CTTNBP2: variants seen among roughly 807,000 people sequenced by gnomAD.
CTTNBP2 encodes cortactin-binding protein 2.
Under a neutral mutation model 156.9 loss-of-function variants are expected in CTTNBP2, and 108 were observed. The ratio of observed to expected loss-of-function variants is 0.69; its 90% confidence interval spans 0.59 to 0.81. The LOEUF (loss-of-function observed/expected upper bound fraction) is 0.81, where lower values mean the gene tolerates loss of function less well. CTTNBP2 is among the 30% of genes least tolerant of loss of function. The pLI is 0.00. For missense variants in CTTNBP2, 1,924 were observed against 2,035.4 expected (o/e 0.95, Z 1.05); for synonymous variants, 767 against 751.8 (o/e 1.02, Z -0.33).
At chr7:117,748,769 T>A (rs2116578973) in intron 12 of CTTNBP2, among the ~76,000 whole-genome samples, 1 of 152,312 alleles carries the variant, frequency 6.6e-6, no homozygotes, top group Admixed American at 6.5e-5. Context: ...CTTTTTCTGT[T>A]TTTCCTAGTT....
rs1181963966 is a variant in CTTNBP2 at position 117,728,138 on chromosome 7, AT to A, written c.4005del (p.Lys1335AsnfsTer8). 1.2e-6 allele frequency: 2 copies of A among 1,614,206 alleles called. No homozygotes were observed. The highest frequency in any genetic ancestry group is 1.7e-6 in the Non-Finnish European group (2 of 1,180,024). ...LGTPEALLGPKYFLSCPVVPG... is the reference protein window; with the variant it reads ...LGTPEALLGPXYFLSCPVVPG... ...GGAACTACAGGACAAGACAGGAAAT[AT>A]TTTGGTCCAAGAAGTGCTTCAGGTG... On this transcript the variant is annotated frameshift_variant, in exon 17 of 23. Coordinates refer to ENST00000160373, the MANE Select transcript of CTTNBP2 (RefSeq NM_033427.3). LOFTEE classifies it high-confidence loss of function.
intron 2 of CTTNBP2, among the ~76,000 whole-genome samples, chr7:117,857,522 A>T (rs961870673): frequency 2.0e-5 from 3 of 152,242 alleles, no homozygotes; most frequent in Non-Finnish European, 4.4e-5. Context: ...AAAGTAAAAT[A>T]GCTTCATCTG....
intron 8 of CTTNBP2, among the ~76,000 whole-genome samples, chr7:117,775,114 C>A (rs187971842): frequency 3.2e-4 from 48 of 152,268 alleles, no homozygotes; most frequent in Middle Eastern, 3.4e-3. Context: ...ATCTACTAAA[C>A]CCTCTGGGAT....
intron 9 of CTTNBP2, among the ~76,000 whole-genome samples, chr7:117,761,727 G>C (rs946100314): frequency 2.0e-5 from 3 of 152,100 alleles, no homozygotes; most frequent in African/African-American, 7.2e-5. Context: ...TCAAACATTA[G>C]AAATCATAGA....
intron 10 of CTTNBP2, 168 bp downstream of exon 10, chr7:117,760,267 C>T: frequency 3.2e-6 from 2 of 619,018 alleles, no homozygotes; most frequent in South Asian, 2.2e-5. Flanking sequence ...TAACAGGCAA[C>T]ATTACATAAT....
At chr7:117,739,215 C>A (rs1487474949) in intron 14 of CTTNBP2, among the ~76,000 whole-genome samples, 1 of 152,098 alleles carries the variant, frequency 6.6e-6, no homozygotes, top group Non-Finnish European at 1.5e-5. Flanking sequence ...GGTTATTCTG[C>A]GTAGTTTCAG....
intron 12 of CTTNBP2, among the ~76,000 whole-genome samples, chr7:117,751,125 C>A (rs1219543929): frequency 6.6e-6 from 1 of 152,182 alleles, no homozygotes; most frequent in South Asian, 2.1e-4. Flanking sequence ...AAACAAGTGA[C>A]CTCAACAATA....
chr7:117,726,521 G>A lies in CTTNBP2; in HGVS notation c.4056-1264C>T, dbSNP rs567501667. Among the ~76,000 whole-genome samples, 77 of 152,280 alleles carry A rather than the reference G, an allele frequency of 5.1e-4. No homozygotes were observed. In the Middle Eastern group the frequency reaches 0.014, roughly 27 times the overall value. On this transcript the variant is annotated intron_variant, in intron 17 of 22. Coordinates refer to ENST00000160373, the MANE Select transcript of CTTNBP2 (RefSeq NM_033427.3). ...AAATCAACTCCTTAACTTAGCCATT[G>A]GTAGACAATTCTCTGCAGCATTTCT... is the stretch of plus-strand genomic sequence containing the variant.
At chr7:117,722,248 C>G (rs1794833860) in intron 19 of CTTNBP2, among the ~76,000 whole-genome samples, 1 of 139,582 alleles carries the variant, frequency 7.2e-6, no homozygotes, top group Non-Finnish European at 1.5e-5. Context: ...CAAAAGGATT[C>G]CTGTGTTGGT....
intron 3 of CTTNBP2, among the ~76,000 whole-genome samples, chr7:117,795,324 G>T (rs1300332505): frequency 6.6e-6 from 1 of 152,100 alleles, no homozygotes; most frequent in Admixed American, 6.6e-5. Context: ...CATATGCAAA[G>T]TTAGAACTAT....
chr7:117,748,335 G>GT, intron 12 of CTTNBP2, among the ~76,000 whole-genome samples: 1 of 152,234 alleles, frequency 6.6e-6, no homozygotes, highest in Non-Finnish European at 1.5e-5. Context: ...ATGGAACATG[G>GT]TAAGTCCTTT....
At chr7:117,820,577 GTTCAATTTTTCCACATATAGA>G (rs1267552831) in intron 2 of CTTNBP2, among the ~76,000 whole-genome samples, 10 of 152,274 alleles carry the variant, frequency 6.6e-5, no homozygotes, top group African/African-American at 2.4e-4. Flanking sequence ...AAGGGTTGAT[GTTCAATTTTTCCACATATAGA>G]TTCAATTTTT....
At chr7:117,815,956 C>A (rs1800551815) in intron 2 of CTTNBP2, among the ~76,000 whole-genome samples, 1 of 152,156 alleles carries the variant, frequency 6.6e-6, no homozygotes, top group Admixed American at 6.5e-5. Context: ...GGGCAAAAAA[C>A]AGGTGCATAA....
At chr7:117,856,504 T>C (rs1323384972) in intron 2 of CTTNBP2, among the ~76,000 whole-genome samples, 2 of 152,260 alleles carry the variant, frequency 1.3e-5, no homozygotes, top group African/African-American at 4.8e-5. Context: ...ACAAGGCAAT[T>C]CTATAACTGA....
chr7:117,791,130 G>GAT lies in CTTNBP2; in HGVS notation c.2064_2065dup (p.Ser689TyrfsTer8), dbSNP rs1307446446. ...GTATAACATTTCAATCCCTTTACCT[G>GAT]ATGCTGTTACCAGGAGGCTGTCTGA... On this transcript the variant is annotated frameshift_variant, in exon 4 of 23. Coordinates refer to ENST00000160373, the MANE Select transcript of CTTNBP2 (RefSeq NM_033427.3). LOFTEE classifies it high-confidence loss of function. The GAT allele has an allele frequency of 6.2e-7, 1 of 1,611,874 alleles. No homozygotes were observed. Among genetic ancestry groups the GAT allele is most frequent in the Non-Finnish European group, 8.5e-7 (1 of 1,178,282 alleles).
intron 8 of CTTNBP2, among the ~76,000 whole-genome samples, chr7:117,769,517 T>G (rs1797696053): frequency 1.3e-5 from 2 of 152,218 alleles, no homozygotes; most frequent in Non-Finnish European, 2.9e-5. Context: ...ATCTGTACAA[T>G]TATTATGTGG....
intron 3 of CTTNBP2, among the ~76,000 whole-genome samples, chr7:117,809,486 C>T (rs1384732092): frequency 6.6e-6 from 1 of 152,176 alleles, no homozygotes; most frequent in Non-Finnish European, 1.5e-5. Flanking sequence ...AATTCATTGG[C>T]TCTTGTGTAT....
chr7:117,801,699 T>C (rs1247582875), intron 3 of CTTNBP2, among the ~76,000 whole-genome samples: 3 of 152,194 alleles, frequency 2.0e-5, no homozygotes. Flanking sequence ...TAATTTATTT[T>C]CTAATGGTTT....
intron 11 of CTTNBP2, among the ~76,000 whole-genome samples, chr7:117,757,528 T>TAAAAAAAAAAAAAAAAAAAAAA (rs56687697): frequency 1.1e-5 from 1 of 91,442 alleles, no homozygotes; most frequent in Non-Finnish European, 2.2e-5. Flanking sequence ...TTAAGCACAG[T>TAAAAAAAAAAAAAAAAAAAAAA]AAAAAAAAAA....
Sources: allele counts gnomAD v4.1 joint callset (sites outside exome capture counted in the v4.1 genomes callset), GRCh38; gene constraint gnomAD v4.1.1; transcripts MANE v1.5; gene names NCBI Gene and HGNC (gene_info 2026-07-23, HGNC 2026-07-21).